ESRRG: variants seen among roughly 807,000 people sequenced by gnomAD.
The protein encoded by ESRRG is estrogen-related receptor gamma.
ESRRG carries 13 observed loss-of-function variants against 44.0 expected under a neutral mutation model. The ratio of observed to expected loss-of-function variants is 0.30; its 90% CI spans 0.19 to 0.47. The LOEUF is 0.47. Ranked by LOEUF, ESRRG falls within the 20% of genes least tolerant of loss-of-function variation. ESRRG has a pLI of 1.00. For synonymous variants in ESRRG, 215 were observed against 214.6 expected, an observed-to-expected ratio of 1.00 and a Z score of -0.02; for missense variants, 395 against 580.6, an observed-to-expected ratio of 0.68 and a Z score of 3.29.
intron 3 of ESRRG, among the ~76,000 whole-genome samples, chr1:216,645,201 T>C (rs1001611074): frequency 2.0e-5 from 3 of 152,178 alleles, no homozygotes; most frequent in Admixed American, 6.5e-5. Flanking sequence ...AATAACATAT[T>C]TCTTGCTCCC....
chr1:216,856,388 C>CACACACACAT lies in ESRRG; in HGVS notation c.-14+83193_-14+83194insATGTGTGTGT, dbSNP rs1383294342. Among the ~76,000 whole-genome samples, 59 of 150,736 alleles carry CACACACACAT rather than the reference C, an allele frequency of 3.9e-4. 1 individual carries two copies. In the South Asian group the frequency reaches 0.011, roughly 29 times the overall value. ...ACACACACACACACACACACACACACACTTGGAACGAACAGAAGCGATTCG... is the reference window on the plus strand; with the variant it reads ...ACACACACACACACACACACACACACACACACACATACTTGGAACGAACAGAAGCGATTCG... On this transcript the variant is annotated intron_variant, in intron 2 of 7. Transcript: ENST00000359162.
intron 1 of ESRRG, among the ~76,000 whole-genome samples, chr1:217,018,757 T>A (rs1482884307): frequency 1.3e-5 from 2 of 152,092 alleles, no homozygotes; most frequent in Non-Finnish European, 2.9e-5. Context: ...CAAAAAAAAA[T>A]TTCATCTCTG....
intron 3 of ESRRG, among the ~76,000 whole-genome samples, chr1:216,636,583 C>T (rs1465765963): frequency 6.6e-6 from 1 of 152,184 alleles, no homozygotes; most frequent in African/African-American, 2.4e-5. Context: ...AAGAGTTCAG[C>T]TGACTACAGC....
chr1:217,092,193 C>G (rs1456889966), upstream of ESRRG, among the ~76,000 whole-genome samples: 1 of 152,176 alleles, frequency 6.6e-6, no homozygotes, highest in African/African-American at 2.4e-5. Flanking sequence ...TATTCAAGTT[C>G]AAACTCTGCA....
chr1:216,781,887 T>C (rs954103415), intron 2 of ESRRG, among the ~76,000 whole-genome samples: 25 of 152,162 alleles, frequency 1.6e-4, no homozygotes, highest in African/African-American at 5.8e-4. Flanking sequence ...AGACATGCCA[T>C]GTGCAAATGC....
At chr1:216,641,155 C>G (rs1241408496) in intron 3 of ESRRG, among the ~76,000 whole-genome samples, 1 of 152,094 alleles carries the variant, frequency 6.6e-6, no homozygotes, top group Non-Finnish European at 1.5e-5. Flanking sequence ...GGAACTGTTT[C>G]TTAGGATTTC....
chr1:216,717,860 G>A (rs1452459963), intron 1 of ESRRG, among the ~76,000 whole-genome samples: 2 of 151,768 alleles, frequency 1.3e-5, no homozygotes, highest in African/African-American at 4.8e-5. Context: ...TTGTTTGAAA[G>A]CTATCATGCT....
chr1:216,551,254 T>C (rs1206709754), intron 5 of ESRRG, among the ~76,000 whole-genome samples: 1 of 152,178 alleles, frequency 6.6e-6, no homozygotes, highest in Non-Finnish European at 1.5e-5. Flanking sequence ...TCTTAATATA[T>C]ACTTTGTTTA....
intron 2 of ESRRG, among the ~76,000 whole-genome samples, chr1:216,843,021 T>G (rs772629157): frequency 1.3e-5 from 2 of 152,138 alleles, no homozygotes; most frequent in Non-Finnish European, 2.9e-5. Flanking sequence ...CTTTTTGCCT[T>G]AAAGAGACTA....
intron 5 of ESRRG, among the ~76,000 whole-genome samples, chr1:216,530,111 A>G (rs1265016980): frequency 2.0e-5 from 2 of 101,666 alleles, no homozygotes; most frequent in Non-Finnish European, 3.7e-5. Context: ...GACTCCATCA[A>G]AAAAAAAAAA....
At chr1:216,515,899 G>A (rs1013458560) in intron 6 of ESRRG, among the ~76,000 whole-genome samples, 1 of 151,910 alleles carries the variant, frequency 6.6e-6, no homozygotes, top group African/African-American at 2.4e-5. Flanking sequence ...TCAATGAAGA[G>A]AAATAAATCC....
intron 1 of ESRRG, among the ~76,000 whole-genome samples, chr1:217,137,248 G>A (rs1411966480): frequency 6.6e-6 from 1 of 152,148 alleles, no homozygotes; most frequent in Non-Finnish European, 1.5e-5. Context: ...ACCCAATCGC[G>A]CCTTTCCTAA....
At chr1:216,687,881 T>A (rs1347765311) in intron 1 of ESRRG, among the ~76,000 whole-genome samples, 1 of 152,164 alleles carries the variant, frequency 6.6e-6, no homozygotes, top group Non-Finnish European at 1.5e-5. Flanking sequence ...GCTTCTGGCA[T>A]TTAAAAAAAT....
intron 2 of ESRRG, among the ~76,000 whole-genome samples, chr1:216,737,821 G>C (rs2090152732): frequency 6.6e-6 from 1 of 151,546 alleles, no homozygotes; most frequent in African/African-American, 2.4e-5. Flanking sequence ...CAGTAAGATT[G>C]TTATGAAAAC....
At chr1:217,042,012 C>G (rs1295757939) in intron 1 of ESRRG, among the ~76,000 whole-genome samples, 1 of 152,166 alleles carries the variant, frequency 6.6e-6, no homozygotes, top group African/African-American at 2.4e-5. Context: ...TGTCATTTGG[C>G]TGTGCTGCTG....
chr1:216,993,006 A>C (rs2075936096), intron 1 of ESRRG, among the ~76,000 whole-genome samples: 1 of 152,118 alleles, frequency 6.6e-6, no homozygotes, highest in East Asian at 1.9e-4. Context: ...CCACTGATAT[A>C]TTTGTTTCAA....
intron 1 of ESRRG, among the ~76,000 whole-genome samples, chr1:217,015,386 C>T (rs1406881576): frequency 6.6e-6 from 1 of 152,130 alleles, no homozygotes; most frequent in Non-Finnish European, 1.5e-5. Flanking sequence ...ACTACCTAAA[C>T]AAGAATTAAA....
chr1:216,958,688 A>T (rs2068439354), intron 1 of ESRRG, among the ~76,000 whole-genome samples: 1 of 152,192 alleles, frequency 6.6e-6, no homozygotes, highest in Non-Finnish European at 1.5e-5. Context: ...TCACTCACTA[A>T]GAGCCAAAAA....
At chr1:216,982,478 T>C (rs913820762) in intron 1 of ESRRG, among the ~76,000 whole-genome samples, 5 of 151,884 alleles carry the variant, frequency 3.3e-5, no homozygotes, top group African/African-American at 7.3e-5. Context: ...ATTCCTCCCA[T>C]ACAATGAGCA....
Sources: allele counts gnomAD v4.1 joint callset (sites outside exome capture counted in the v4.1 genomes callset), GRCh38; gene constraint gnomAD v4.1.1; transcripts MANE v1.5; gene names NCBI Gene and HGNC (gene_info 2026-07-23, HGNC 2026-07-21).